RBFOX1: variants seen among roughly 807,000 people sequenced by gnomAD.
The protein encoded by RBFOX1 is RNA binding protein fox-1 homolog 1.
A neutral mutation model predicts 57.7 loss-of-function variants in RBFOX1; 8 were observed. The observed-to-expected ratio is 0.14, with a 90% CI of 0.08 to 0.25. The LOEUF is 0.25. Ranked by LOEUF, RBFOX1 falls within the 10% of genes least tolerant of loss-of-function variation. The pLI is 1.00. For missense variants in RBFOX1, 611 were observed against 548.5 expected (o/e 1.11, Z -1.14); for synonymous variants, 326 against 222.4 (o/e 1.47, Z -4.15).
chr16:7,344,160 T>G (rs1411184921), intron 4 of RBFOX1, among the ~76,000 whole-genome samples: 4 of 149,068 alleles, frequency 2.7e-5, no homozygotes, highest in Admixed American at 2.0e-4. Flanking sequence ...CAGTTTTCTC[T>G]TCGGTAAAAT....
At chr16:7,288,900 A>G (rs1362887093) in intron 4 of RBFOX1, among the ~76,000 whole-genome samples, 1 of 152,182 alleles carries the variant, frequency 6.6e-6, no homozygotes, top group Non-Finnish European at 1.5e-5. Flanking sequence ...TCTTGATAGG[A>G]CATTGGCTAT....
chr16:5,556,486 C>T (rs190504367), intron 2 of RBFOX1, among the ~76,000 whole-genome samples: 20 of 152,312 alleles, frequency 1.3e-4, no homozygotes, highest in East Asian at 5.8e-4. Flanking sequence ...CTTTTCCCCC[C>T]GCTTTTTCTA....
At chr16:6,919,734 T>C (rs2074037454) in intron 3 of RBFOX1, among the ~76,000 whole-genome samples, 1 of 151,724 alleles carries the variant, frequency 6.6e-6, no homozygotes, top group Admixed American at 6.6e-5. Flanking sequence ...AGGAGAAAAA[T>C]TTCCAGGAGG....
intron 1 of RBFOX1, among the ~76,000 whole-genome samples, chr16:6,213,110 A>G (rs1209323366): frequency 1.3e-5 from 2 of 152,206 alleles, no homozygotes; most frequent in Non-Finnish European, 2.9e-5. Flanking sequence ...TAAAACCTTC[A>G]AAATGGAAGT....
intron 4 of RBFOX1, among the ~76,000 whole-genome samples, chr16:7,288,963 A>G (rs978482452): frequency 2.0e-5 from 3 of 152,222 alleles, no homozygotes; most frequent in African/African-American, 7.2e-5. Flanking sequence ...GGGTTGGAGA[A>G]AAGAAAGTGA....
chr16:6,463,082 G>T (rs17140292), intron 2 of RBFOX1, among the ~76,000 whole-genome samples: 4,099 of 151,428 alleles, frequency 0.027, 184 homozygotes, highest in African/African-American at 0.093. Flanking sequence ...ATAACTTAAG[G>T]AGCTATCCTT....
At chr16:6,969,505 T>A (rs1411099401) in intron 3 of RBFOX1, among the ~76,000 whole-genome samples, 3 of 152,028 alleles carry the variant, frequency 2.0e-5, no homozygotes, top group Non-Finnish European at 4.4e-5. Flanking sequence ...GAGGCCAACG[T>A]AGGTGGATCG....
chr16:6,734,691 G>T (rs917459783), intron 3 of RBFOX1, among the ~76,000 whole-genome samples: 1 of 152,128 alleles, frequency 6.6e-6, no homozygotes, highest in Non-Finnish European at 1.5e-5. Flanking sequence ...ATTTGTGAGG[G>T]AAGAGTCAGA....
chr16:7,133,780 T>TG (rs1191538539), intron 4 of RBFOX1, among the ~76,000 whole-genome samples: 1 of 152,048 alleles, frequency 6.6e-6, no homozygotes, highest in African/African-American at 2.4e-5. Context: ...TGATCTGCCA[T>TG]GAAAAAAAAA....
At chr16:7,406,783 G>C (rs1333840017) in intron 4 of RBFOX1, among the ~76,000 whole-genome samples, 1 of 152,188 alleles carries the variant, frequency 6.6e-6, no homozygotes, top group East Asian at 1.9e-4. Context: ...ACTGAAGTAG[G>C]TCTTACTGTA....
intron 3 of RBFOX1, among the ~76,000 whole-genome samples, chr16:7,047,577 C>T (rs1302679876): frequency 6.7e-6 from 1 of 148,764 alleles, no homozygotes; most frequent in Non-Finnish European, 1.5e-5. Flanking sequence ...TTGTTTATAT[C>T]TTTTGTCAAA....
At chr16:6,466,211 C>G (rs975314594) in intron 2 of RBFOX1, among the ~76,000 whole-genome samples, 1 of 137,788 alleles carries the variant, frequency 7.3e-6, no homozygotes, top group Non-Finnish European at 1.5e-5. Flanking sequence ...GCCTGGGCGA[C>G]AGATTAAAAC....
chr16:7,273,260 T>TCTTC (rs1555652888), intron 4 of RBFOX1, among the ~76,000 whole-genome samples: 5 of 121,314 alleles, frequency 4.1e-5, no homozygotes, highest in African/African-American at 1.4e-4. Flanking sequence ...CTTCCTTCCT[T>TCTTC]CCTCCCTTTC....
At chr16:7,471,771 T>C (rs1266673791) in intron 4 of RBFOX1, among the ~76,000 whole-genome samples, 1 of 152,160 alleles carries the variant, frequency 6.6e-6, no homozygotes, top group East Asian at 1.9e-4. Context: ...AGACTTTCAG[T>C]CTCTTTCCCT....
At position 5,267,389 on chromosome 16, in the gene RBFOX1, C is replaced by T. The variant is rs193094244; in HGVS notation, c.219+27284C>T. The stretch of plus-strand genomic sequence containing the variant: ...CTTGACTCACTGCAACCTCCGCCTC[C>T]TGGGTTCAAGCAATGCTTGTGCCTC... On this transcript the variant is annotated intron_variant, in intron 1 of 2. Transcript: ENST00000585867. Among the ~76,000 whole-genome samples the T allele has an allele frequency of 7.9e-5, 12 of 151,848 alleles. No homozygotes were observed. In the East Asian group the frequency reaches 1.7e-3, roughly 22 times the overall value.
chr16:6,989,849 C>G (rs958802242), intron 3 of RBFOX1, among the ~76,000 whole-genome samples: 11 of 151,504 alleles, frequency 7.3e-5, no homozygotes, highest in Admixed American at 6.6e-4. Flanking sequence ...AAAATACAAA[C>G]ATTAGCCAGG....
At chr16:6,534,484 C>T (rs1352470091) in intron 2 of RBFOX1, among the ~76,000 whole-genome samples, 1 of 152,032 alleles carries the variant, frequency 6.6e-6, no homozygotes, top group Non-Finnish European at 1.5e-5. Context: ...CTAGGCTGTC[C>T]ACAAAATGGA....
At chr16:7,519,703 T>A (rs949539312) in intron 5 of RBFOX1, 5 of 985,234 alleles carry the variant, frequency 5.1e-6, no homozygotes, top group Non-Finnish European at 6.0e-6. Flanking sequence ...TCTGGAACAT[T>A]TTTTGAGTGT....
At chr16:7,491,314 A>G (rs990499143) in intron 4 of RBFOX1, among the ~76,000 whole-genome samples, 7 of 150,650 alleles carry the variant, frequency 4.6e-5, no homozygotes, top group South Asian at 2.2e-4. Flanking sequence ...TATTTAATGC[A>G]ACTTGTCATC....
Sources: allele counts gnomAD v4.1 joint callset (sites outside exome capture counted in the v4.1 genomes callset), GRCh38; gene constraint gnomAD v4.1.1; transcripts MANE v1.5; gene names NCBI Gene and HGNC (gene_info 2026-07-23, HGNC 2026-07-21).